The following GABBR1 variants were observed in gnomAD, a reference collection of about 807,000 sequenced individuals.
The protein encoded by GABBR1 is GABA-B receptor, R1 subunit.
Under a neutral mutation model 117.7 loss-of-function variants are expected in GABBR1, and 35 were observed. The observed-to-expected ratio is 0.30, with a 90% CI of 0.23 to 0.39. GABBR1 has a LOEUF of 0.39. Among genes scored for constraint, GABBR1 ranks in the 10% least tolerant of loss-of-function variants. The pLI, the probability that GABBR1 is intolerant of heterozygous loss-of-function variation, is 1.00. For missense variants in GABBR1, 709 were observed against 1,241.8 expected (o/e 0.57, Z 6.45); for synonymous variants, 442 against 486.6 (o/e 0.91, Z 1.21).
chr6:29,608,107 C>T (rs1310777294), intron 16 of GABBR1, among the ~76,000 whole-genome samples: 1 of 152,190 alleles, frequency 6.6e-6, no homozygotes, highest in Non-Finnish European at 1.5e-5. Context: ...CTGGCCTCTC[C>T]CCACAGCACT....
chr6:29,603,924 A>G (rs574135751), intron 22 of GABBR1, among the ~76,000 whole-genome samples: 5 of 152,284 alleles, frequency 3.3e-5, no homozygotes, highest in African/African-American at 1.2e-4. Flanking sequence ...ACCGATAGAA[A>G]AAATGCGATC....
intron 11 of GABBR1, among the ~76,000 whole-genome samples, chr6:29,619,682 C>T (rs1391943188): frequency 8.1e-6 from 1 of 124,190 alleles, no homozygotes; most frequent in African/African-American, 2.9e-5. Context: ...TCAGCCTCCT[C>T]TAGCTCCCTG....
rs905847365 is a variant in GABBR1, at chr6:29,606,156, C to A, written c.2311+235G>T. 8.8e-6 allele frequency: 5 copies of A among 568,016 alleles called. No individual in the cohort carries two copies. The Admixed American group carries it at 1.5e-4, about 17-fold the overall frequency. The allele number at this position is 568,016 out of a possible 1,614,324, so 35.2% of individuals were successfully genotyped here. A position where few individuals can be genotyped will look rare whatever the true frequency, so the allele number is the denominator to read the frequency against. ...CCCCCACTTGTTCCTCTGCTGAACA[C>A]AAGTTCTTCATCTGTGCTTTCTGTG... On this transcript the variant is annotated intron_variant, in intron 19 of 22. Transcript: ENST00000377034. This position sits in a 1 kb window ranked among gnomAD's most constrained non-coding sequence, Gnocchi z 4.5.
In GABBR1 at chr6:29,608,596, C is replaced by T; in HGVS notation, c.1992+5G>A. On this transcript the variant is annotated splice_donor_5th_base_variant and intron_variant, in intron 16 of 22. Coordinates refer to ENST00000377034, the MANE Select transcript of GABBR1 (RefSeq NM_001470.4). The stretch of plus-strand genomic sequence containing the variant: ...CTGTAAGGAATTTGCCCACCACCTC[C>T]TCACCTGGCAGACGAAAGGAAACTG... 6.2e-7 allele frequency: 1 copy of T among 1,612,282 alleles called. No individual in the cohort carries two copies. Among genetic ancestry groups the T allele is most frequent in the Non-Finnish European group, 8.5e-7 (1 of 1,179,644 alleles).
At chr6:29,628,021 G>C in intron 5 of GABBR1, 2 of 1,282,956 alleles carry the variant, frequency 1.6e-6, no homozygotes, top group South Asian at 2.6e-5. Context: ...ACTGACCGAC[G>C]GAGGGGAGGA....
chr6:29,627,757 C>A lies in GABBR1; in HGVS notation c.497-111G>T. 6.7e-7 allele frequency: 1 copy of A among 1,486,550 alleles called. No homozygotes were observed. The highest frequency in any genetic ancestry group is 1.3e-5 in the South Asian group (1 of 77,374). 92.1% of individuals were successfully genotyped at this position (1,486,550 alleles called of 1,614,324 possible). ...CATCACAACCAGAAGCGGCAGTGGC[C>A]ACCCCACCCGGGCAAAAGGGGCCCC... is the stretch of plus-strand genomic sequence containing the variant. On this transcript the variant is annotated intron_variant, in intron 5 of 22. Coordinates refer to ENST00000377034, the MANE Select transcript of GABBR1 (RefSeq NM_001470.4). The surrounding 1 kb of genome is among the most constrained non-coding windows in gnomAD (Gnocchi z 4.4).
At chr6:29,616,836 T>G (rs1763163946) in intron 11 of GABBR1, among the ~76,000 whole-genome samples, 1 of 134,070 alleles carries the variant, frequency 7.5e-6, no homozygotes, top group Non-Finnish European at 1.6e-5. Flanking sequence ...AGCAGAGGGA[T>G]ACTCTACCTC....
In GABBR1 at chr6:29,631,373, G is replaced by C. The variant is rs754471846; in HGVS notation, c.289+23C>G. ...GGAAAAGGAATAGTCTTGAAGAGGG[G>C]AGGGGCTTCCGAGGCTACTCACCAC... On this transcript the variant is annotated intron_variant, in intron 3 of 22. Coordinates refer to ENST00000377034, the MANE Select transcript of GABBR1 (RefSeq NM_001470.4). This position sits in a 1 kb window ranked among gnomAD's most constrained non-coding sequence, Gnocchi z 5.9. 6.2e-7 allele frequency: 1 copy of C among 1,610,026 alleles called. No homozygotes were observed. Among genetic ancestry groups the C allele is most frequent in the South Asian group, 1.1e-5 (1 of 91,016 alleles).
At position 29,621,830 on chromosome 6, in the gene GABBR1, A is replaced by C; in HGVS notation, c.1066-13T>G. 1 of 1,614,084 alleles carries C rather than the reference A, an allele frequency of 6.2e-7. No homozygotes were observed. Among genetic ancestry groups the C allele is most frequent in the Non-Finnish European group, 8.5e-7 (1 of 1,179,942 alleles). Reference sequence around the variant, plus strand: ...GGGCATCCTGGCGCTACAACAGAGAAAGAAACAGCTCCTGAGGGATGCCCG... The same window carrying C: ...GGGCATCCTGGCGCTACAACAGAGACAGAAACAGCTCCTGAGGGATGCCCG... On this transcript the variant is annotated splice_polypyrimidine_tract_variant and intron_variant, in intron 9 of 22. Coordinates refer to ENST00000377034, the MANE Select transcript of GABBR1 (RefSeq NM_001470.4). The surrounding 1 kb of genome is among the most constrained non-coding windows in gnomAD (Gnocchi z 5.0).
At chr6:29,617,365 G>A (rs144763550) in intron 11 of GABBR1, among the ~76,000 whole-genome samples, 2,527 of 144,602 alleles carry the variant, frequency 0.017, 47 homozygotes, top group African/African-American at 0.038. Context: ...GCAGTAGTGC[G>A]ATCTTGGCTC....
chr6:29,607,564 C>T lies in GABBR1; in HGVS notation c.1993-346G>A, dbSNP rs1762091746. 6.6e-6 allele frequency among the ~76,000 whole-genome samples: 1 copy of T among 152,196 alleles called. No homozygotes were observed. Among genetic ancestry groups the T allele is most frequent in the Admixed American group, 6.5e-5 (1 of 15,282 alleles). Reference sequence around the variant, plus strand: ...ACACAGACCCTTCACAACATGCTCCCATCCACCTGTCCAGCTAGGCTCATC... The same window carrying T: ...ACACAGACCCTTCACAACATGCTCCTATCCACCTGTCCAGCTAGGCTCATC... On this transcript the variant is annotated intron_variant, in intron 16 of 22. Coordinates refer to ENST00000377034, the MANE Select transcript of GABBR1 (RefSeq NM_001470.4). The surrounding 1 kb of genome is among the most constrained non-coding windows in gnomAD (Gnocchi z 5.0).
In GABBR1 at chr6:29,611,896, C is replaced by A. The variant is rs1398231556; in HGVS notation, c.1630+655G>T. Among the ~76,000 whole-genome samples the A allele has an allele frequency of 1.3e-5, 2 of 152,174 alleles. No individual in the cohort carries two copies. The highest frequency in any genetic ancestry group is 2.4e-5 in the African/African-American group (1 of 41,438). ...CTAGATTCAGCTTTCTTGAGTCTAA[C>A]TGACAGGTCATCAACCTCTCAACCC... is the stretch of plus-strand genomic sequence containing the variant. On this transcript the variant is annotated intron_variant, in intron 13 of 22. Transcript: ENST00000377034. The surrounding 1 kb of genome is among the most constrained non-coding windows in gnomAD (Gnocchi z 4.6).
chr6:29,609,928 G>A lies in GABBR1; in HGVS notation c.1709-549C>T, dbSNP rs1762365992. On this transcript the variant is annotated intron_variant, in intron 14 of 22. Transcript: ENST00000377034. This position sits in a 1 kb window ranked among gnomAD's most constrained non-coding sequence, Gnocchi z 4.3. ...GTAATATTCCCAAATATGTTTTCCA[G>A]TTATTATTAGGGGGAAGTTCAAATT... is the stretch of plus-strand genomic sequence containing the variant. 6.6e-6 allele frequency among the ~76,000 whole-genome samples: 1 copy of A among 151,312 alleles called. No homozygotes were observed. The highest frequency in any genetic ancestry group is 2.1e-4 in the South Asian group (1 of 4,806).
chr6:29,628,991 C>A, intron 5 of GABBR1, 96 bp downstream of exon 5: 1 of 1,442,666 alleles, frequency 6.9e-7, no homozygotes, highest in Admixed American at 1.7e-5. Flanking sequence ...GAAAGGACGA[C>A]GCCCCGTAGC....
Position 29,630,528 on chromosome 6 carries a change from G to C in GABBR1, c.405C>G (p.Phe135Leu). ...TGCTCCGGGAGCTGCCCACCAGATG[G>C]AAGTCGGGGTCACACCGGAAATCCA... Reference protein sequence around the residue: ...ARVDFRCDPDFHLVGSSRSIC... With the variant: ...ARVDFRCDPDLHLVGSSRSIC... Residue 135 changes from phenylalanine (F) to leucine (L), a missense_variant, in exon 4 of 23, where the codon TTC (phenylalanine) becomes TTG (leucine). Physicochemically the swap from Phe to Leu is conservative, Grantham distance 22. Coordinates refer to ENST00000377034, the MANE Select transcript of GABBR1 (RefSeq NM_001470.4). The surrounding 1 kb of genome is among the most constrained non-coding windows in gnomAD (Gnocchi z 4.9). 6.2e-7 allele frequency: 1 copy of C among 1,613,080 alleles called. No homozygotes were observed. The highest frequency in any genetic ancestry group is 8.5e-7 in the Non-Finnish European group (1 of 1,180,042).
At position 29,627,250 on chromosome 6, in the gene GABBR1, G is replaced by A. The variant is rs1165099961; in HGVS notation, c.657+236C>T. On this transcript the variant is annotated intron_variant, in intron 6 of 22. Transcript: ENST00000377034. This position sits in a 1 kb window ranked among gnomAD's most constrained non-coding sequence, Gnocchi z 4.4. ...CGAGACTCCCGCAGCGGGGCAGAAGGGTCTGCCTTGCAGCATGCTTAACCA... is the reference window on the plus strand; with the variant it reads ...CGAGACTCCCGCAGCGGGGCAGAAGAGTCTGCCTTGCAGCATGCTTAACCA... Among the ~76,000 whole-genome samples, 2 of 152,100 alleles carry A rather than the reference G, an allele frequency of 1.3e-5. No homozygotes were observed. The highest frequency in any genetic ancestry group is 1.5e-5 in the Non-Finnish European group (1 of 68,018).
chr6:29,618,716 C>T (rs986786397), intron 11 of GABBR1, among the ~76,000 whole-genome samples: 1 of 152,220 alleles, frequency 6.6e-6, no homozygotes, highest in Non-Finnish European at 1.5e-5. Context: ...CTCTAACCCA[C>T]TCTCCATTTC....
chr6:29,608,558 GGA>G, intron 16 of GABBR1, 41 bp downstream of exon 16: 1 of 1,597,110 alleles, frequency 6.3e-7, no homozygotes, highest in East Asian at 2.2e-5. Context: ...GAGACGGGTG[GGA>G]GAGTCACATC....
At position 29,611,094 on chromosome 6, in the gene GABBR1, G is replaced by T; in HGVS notation, c.1631-93C>A. On this transcript the variant is annotated intron_variant, in intron 13 of 22. Coordinates refer to ENST00000377034, the MANE Select transcript of GABBR1 (RefSeq NM_001470.4). The surrounding 1 kb of genome is among the most constrained non-coding windows in gnomAD (Gnocchi z 4.6). ...TCCCACTTCCCTAGAGCTTTGCATGGTTGTATCTGATTTTATTTTCACCTG... is the reference window on the plus strand; with the variant it reads ...TCCCACTTCCCTAGAGCTTTGCATGTTTGTATCTGATTTTATTTTCACCTG... 1 of 978,732 alleles carries T rather than the reference G, an allele frequency of 1.0e-6. No homozygotes were observed. Among genetic ancestry groups the T allele is most frequent in the Non-Finnish European group, 1.6e-6 (1 of 624,584 alleles). The allele number at this position is 978,732 out of a possible 1,614,324, so 60.6% of individuals were successfully genotyped here. A position where few individuals can be genotyped will look rare whatever the true frequency, so the allele number is the denominator to read the frequency against.
Sources: allele counts gnomAD v4.1 joint callset (sites outside exome capture counted in the v4.1 genomes callset), GRCh38; gene constraint gnomAD v4.1.1; non-coding constraint Gnocchi (gnomAD v3.1); transcripts MANE v1.5; gene names NCBI Gene and HGNC (gene_info 2026-07-23, HGNC 2026-07-21).